Variants in TSR1 observed in about 807,000 individuals in gnomAD.
The protein encoded by TSR1 is pre-rRNA-processing protein TSR1 homolog.
In TSR1, 81 loss-of-function variants were observed where a neutral mutation model predicts 90.9. The ratio of observed to expected loss-of-function variants is 0.89; its 90% CI spans 0.74 to 1.07. TSR1 has a LOEUF of 1.07. Among genes scored for constraint, TSR1 ranks in the 50% least tolerant of loss-of-function variants. The probability of loss-of-function intolerance (pLI) is 0.00; values close to 1 mark genes in which losing one functional copy is unlikely to be tolerated. For synonymous variants in TSR1, 362 were observed against 348.8 expected (o/e 1.04, Z -0.42); for missense variants, 989 against 987.3 (o/e 1.00, Z -0.02).
Position 2,335,653 on chromosome 17 carries a change from T to G in TSR1, c.279A>C (p.Arg93Ser). The G allele has an allele frequency of 6.2e-7, 1 of 1,614,120 alleles. No individual in the cohort carries two copies. Among genetic ancestry groups the G allele is most frequent in the Admixed American group, 1.7e-5 (1 of 60,020 alleles). Residue 93 changes from arginine (R) to serine (S), a missense_variant, in exon 3 of 15, where the codon AGA becomes AGC. Physicochemically the swap from Arg to Ser is moderately radical, Grantham distance 110. Transcript: ENST00000301364. The part of the protein sequence containing the change: ...HQVLVVPLHS[R>S]ISLPEAMQLL... ...GCTGCATGGCCTCTGGCAGGGAAAT[T>G]CTGCTGTGCAGGGGCACCACCAGTA... is the stretch of plus-strand genomic sequence containing the variant.
chr17:2,336,143 G>A lies in TSR1; in HGVS notation c.98-3C>T, dbSNP rs2044276291. 1 of 1,614,100 alleles carries A rather than the reference G, an allele frequency of 6.2e-7. No homozygotes were observed. The highest frequency in any genetic ancestry group is 8.5e-7 in the Non-Finnish European group (1 of 1,179,950). ...TAGGGTTTTCAGTGCCAGACGGCCT[G>A]AATGGCAGATTAGAAGGGGCTGGTG... On this transcript the variant is annotated splice_polypyrimidine_tract_variant and splice_region_variant and intron_variant, in intron 1 of 14. Transcript: ENST00000301364.
In TSR1 at chr17:2,323,786, C is replaced by A; in HGVS notation, c.*410G>T. 6.2e-7 allele frequency: 1 copy of A among 1,614,154 alleles called. No homozygotes were observed. Among genetic ancestry groups the A allele is most frequent in the South Asian group, 1.1e-5 (1 of 91,070 alleles). On this transcript the variant is annotated 3_prime_UTR_variant, in exon 15 of 15. Transcript: ENST00000301364. ...AAGTAAAGAACATTTGTATTGTGCTCAGTGGTGGAAATGTAGACTTAACCT... is the reference window on the plus strand; with the variant it reads ...AAGTAAAGAACATTTGTATTGTGCTAAGTGGTGGAAATGTAGACTTAACCT...
chr17:2,334,617 C>A lies in TSR1; in HGVS notation c.836G>T (p.Arg279Leu). Reference sequence around the variant, plus strand: ...CCTATTGACATTCAGAGTCTGCCCTCGAACATAGCCTGAAATTTTCAAGGT... The same window carrying A: ...CCTATTGACATTCAGAGTCTGCCCTAGAACATAGCCTGAAATTTTCAAGGT... ...VGTLKISGYV[R>L]GQTLNVNRLL... The change falls in exon 5 of 15, where the codon CGA becomes CTA. Residue 279 changes from arginine to leucine, a missense_variant. Coordinates refer to ENST00000301364, the MANE Select transcript of TSR1 (RefSeq NM_018128.5). 6.2e-7 allele frequency: 1 copy of A among 1,614,042 alleles called. No individual in the cohort carries two copies. Among genetic ancestry groups the A allele is most frequent in the Non-Finnish European group, 8.5e-7 (1 of 1,180,028 alleles).
chr17:2,334,904 CGAAA>C lies in TSR1; in HGVS notation c.557-12_557-9del, dbSNP rs1567785755. 1 of 1,601,944 alleles carries C rather than the reference CGAAA, an allele frequency of 6.2e-7. No individual in the cohort carries two copies. The highest frequency in any genetic ancestry group is 1.3e-5 in the African/African-American group (1 of 74,658). ...TCCCCTGGACAGCTAGTGCTGTAAG[CGAAA>C]GAGAAAACGCTTCATGACCTACTGC... On this transcript the variant is annotated splice_polypyrimidine_tract_variant and intron_variant, in intron 4 of 14. Transcript: ENST00000301364.
Position 2,331,184 on chromosome 17 carries a change from A to T in TSR1, c.1497-75T>A, listed in dbSNP as rs1008260341. The T allele has an allele frequency of 1.4e-5, 17 of 1,255,172 alleles. No individual in the cohort carries two copies. In the African/African-American group the frequency reaches 2.4e-4, roughly 18 times the overall value. The allele number at this position is 1,255,172 out of a possible 1,614,324, so 77.8% of individuals were successfully genotyped here. Reference sequence around the variant, plus strand: ...TATATAGACTCAAGTCACTGCTAAAATGGCTAAGGAGCTAGCTGAAAAGAA... The same window carrying T: ...TATATAGACTCAAGTCACTGCTAAATTGGCTAAGGAGCTAGCTGAAAAGAA... On this transcript the variant is annotated intron_variant, in intron 8 of 14. Transcript: ENST00000301364.
chr17:2,336,322 T>C lies in TSR1; in HGVS notation c.97+9A>G. On this transcript the variant is annotated intron_variant, in intron 1 of 14. Transcript: ENST00000301364. ...AATAGCCCTTATTCCTTCTACGTTA[T>C]CTCCTTACCCTTGCCGTCCCGCTGT... 1 of 1,614,174 alleles carries C rather than the reference T, an allele frequency of 6.2e-7. No individual in the cohort carries two copies.
Position 2,335,341 on chromosome 17 carries a change from G to GGAACAGGA in TSR1, c.467_474dup (p.Leu159SerfsTer8). The GGAACAGGA allele has an allele frequency of 6.2e-7, 1 of 1,613,844 alleles. No homozygotes were observed. The highest frequency in any genetic ancestry group is 8.5e-7 in the Non-Finnish European group (1 of 1,180,016). ...TCCCAGCCTTCTAGTGGATCAAGGA[G>GGAACAGGA]GAACAGGATGGTATCAGCTACTTTA... is the stretch of plus-strand genomic sequence containing the variant. On this transcript the variant is annotated frameshift_variant, in exon 4 of 15. Coordinates refer to ENST00000301364, the MANE Select transcript of TSR1 (RefSeq NM_018128.5). LOFTEE classifies it high-confidence loss of function.
Position 2,323,557 on chromosome 17 carries a change from A to G in TSR1, c.*639T>C. The G allele has an allele frequency of 7.5e-7, 1 of 1,335,582 alleles. No homozygotes were observed. The highest frequency in any genetic ancestry group is 1.1e-6 in the Non-Finnish European group (1 of 944,852). The allele number at this position is 1,335,582 out of a possible 1,614,324, so 82.7% of individuals were successfully genotyped here. On this transcript the variant is annotated 3_prime_UTR_variant, in exon 15 of 15. Coordinates refer to ENST00000301364, the MANE Select transcript of TSR1 (RefSeq NM_018128.5). The stretch of plus-strand genomic sequence containing the variant: ...TTGGGAAGCGTGTGTACACAGTGAT[A>G]AGAAAATTCAAACTGGACACGTATT...
At chr17:2,333,225 G>C (rs772991360) in intron 6 of TSR1, 101 bp from the exon 7 acceptor site, 4 of 1,351,514 alleles carry the variant, frequency 3.0e-6, no homozygotes, top group African/African-American at 2.9e-5. Context: ...TGCCAACATG[G>C]GAAATTCTGG....
intron 1 of TSR1, 68 bp from the exon 2 acceptor site, chr17:2,336,208 G>C: frequency 6.3e-7 from 1 of 1,596,458 alleles, no homozygotes; most frequent in Non-Finnish European, 8.6e-7. Context: ...ACTCCTCTCC[G>C]CCCACCTTAG....
chr17:2,331,141 G>A (rs751435591), intron 8 of TSR1, 32 bp from the exon 9 acceptor site: 4 of 1,542,968 alleles, frequency 2.6e-6, no homozygotes, highest in East Asian at 4.5e-5. Flanking sequence ...AAGACATTAA[G>A]TCAGATTTAT....
chr17:2,326,578 C>T (rs967489840), intron 11 of TSR1, among the ~76,000 whole-genome samples: 20 of 152,328 alleles, frequency 1.3e-4, no homozygotes, highest in African/African-American at 4.8e-4. Context: ...CAGTGTCTCA[C>T]TCTGCTATCT....
At chr17:2,329,070 T>C (rs1348747409) in intron 11 of TSR1, 6 of 662,550 alleles carry the variant, frequency 9.1e-6, no homozygotes, top group Non-Finnish European at 1.1e-5. Flanking sequence ...ATACCCTTTT[T>C]ATAAAGCTGC....
At position 2,330,999 on chromosome 17, in the gene TSR1, G is replaced by C. The variant is rs753419625; in HGVS notation, c.1607C>G (p.Thr536Ser). ...AACCTCTTTAAAGATGCTTTTCCTA[G>C]TGTTAGTAAAGTTCTGAAACTGAAA... Reference protein sequence around the residue: ...RIFQFQNFTNTRKSIFKEVEE... With the variant: ...RIFQFQNFTNSRKSIFKEVEE... Residue 536 changes from threonine (T) to serine (S), a missense_variant, in exon 9 of 15, where the codon ACT (threonine) becomes AGT (serine). Transcript: ENST00000301364. The C allele has an allele frequency of 6.2e-7, 1 of 1,609,924 alleles. No individual in the cohort carries two copies. The highest frequency in any genetic ancestry group is 1.1e-5 in the South Asian group (1 of 89,870).
chr17:2,323,891 G>A lies in TSR1; in HGVS notation c.*305C>T. ...CTGTTTAATTTACAGAAAAGGAAAT[G>A]GTGGGAATTCAGTGTCTTTAGATAC... On this transcript the variant is annotated 3_prime_UTR_variant, in exon 15 of 15. Transcript: ENST00000301364. 6.2e-7 allele frequency: 1 copy of A among 1,607,422 alleles called. No individual in the cohort carries two copies. The highest frequency in any genetic ancestry group is 8.5e-7 in the Non-Finnish European group (1 of 1,174,654).
rs766586653 is a variant in TSR1, at chr17:2,335,245, T to C, written c.556+15A>G. 1.2e-6 allele frequency: 2 copies of C among 1,612,514 alleles called. No homozygotes were observed. The highest frequency in any genetic ancestry group is 4.5e-5 in the East Asian group (2 of 44,876). On this transcript the variant is annotated intron_variant, in intron 4 of 14. Transcript: ENST00000301364. ...TGACAAATTAAAGGTGCACAATAAA[T>C]GCTAACTCACTTACTATAGGTCGGA...
At chr17:2,333,296 T>G in intron 6 of TSR1, 172 bp from the exon 7 acceptor site, 2 of 879,254 alleles carry the variant, frequency 2.3e-6, no homozygotes, top group Non-Finnish European at 3.7e-6. Flanking sequence ...CTAGCAATAC[T>G]TACACAGCTA....
chr17:2,334,267 T>C (rs562211497), intron 5 of TSR1, among the ~76,000 whole-genome samples: 1 of 152,252 alleles, frequency 6.6e-6, no homozygotes, highest in Admixed American at 6.5e-5. Context: ...GTGTGTTCTA[T>C]AAACTCAGAG....
At position 2,325,294 on chromosome 17, in the gene TSR1, C is replaced by T. The variant is rs73976512; in HGVS notation, c.2020+10G>A. 2.3e-3 allele frequency: 3,657 copies of T among 1,603,240 alleles called. 60 individuals are homozygous for T. In the African/African-American group the frequency reaches 0.041, roughly 18 times the overall value. Reference sequence around the variant, plus strand: ...CTGCAGGGTCTGTTCATCTCTGTGGCTCAACTTACCATTGCTTTTTTGCTT... The same window carrying T: ...CTGCAGGGTCTGTTCATCTCTGTGGTTCAACTTACCATTGCTTTTTTGCTT... On this transcript the variant is annotated intron_variant, in intron 12 of 14. Coordinates refer to ENST00000301364, the MANE Select transcript of TSR1 (RefSeq NM_018128.5).
Sources: allele counts gnomAD v4.1 joint callset (sites outside exome capture counted in the v4.1 genomes callset), GRCh38; gene constraint gnomAD v4.1.1; transcripts MANE v1.5; gene names NCBI Gene and HGNC (gene_info 2026-07-23, HGNC 2026-07-21).